The following PLPPR1 variants were observed in gnomAD, a reference collection of about 807,000 sequenced individuals.
The protein encoded by PLPPR1 is phospholipid phosphatase related 1, also known as phospholipid phosphatase-related protein type 1.
In PLPPR1, 10 loss-of-function variants were observed where a neutral mutation model predicts 33.1. The observed-to-expected ratio is 0.30, with a 90% CI of 0.19 to 0.51. The LOEUF (loss-of-function observed/expected upper bound fraction) is 0.51. PLPPR1 is among the 20% of genes least tolerant of loss of function. The pLI is 0.97. For synonymous variants in PLPPR1, 151 were observed against 151.0 expected, an observed-to-expected ratio of 1.00 and a Z score of 0.00; for missense variants, 304 against 408.1, an observed-to-expected ratio of 0.74 and a Z score of 2.20.
At position 101,033,197 on chromosome 9, in the gene PLPPR1, C is replaced by G. The variant is rs77307560; in HGVS notation, c.-46+4095C>G. Among the ~76,000 whole-genome samples the G allele has an allele frequency of 5.2e-3, 795 of 152,122 alleles. 1 individual carries two copies. The highest frequency in any genetic ancestry group is 8.1e-3 in the Non-Finnish European group (553 of 68,016). Reference sequence around the variant, plus strand: ...AATCTGAAAATGCCATTAAGAGATGCCAGAATGGGGAAAAAACATAGTCAG... The same window carrying G: ...AATCTGAAAATGCCATTAAGAGATGGCAGAATGGGGAAAAAACATAGTCAG... On this transcript the variant is annotated intron_variant, in intron 1 of 7. Transcript: ENST00000374874.
intron 2 of PLPPR1, among the ~76,000 whole-genome samples, chr9:101,209,807 G>GAGA (rs1564176274): frequency 6.6e-6 from 1 of 152,164 alleles, no homozygotes; most frequent in Non-Finnish European, 1.5e-5. Context: ...ATTTTTTAGC[G>GAGA]AGAAGTTTTA....
At chr9:101,109,363 C>T (rs1362065578) in intron 1 of PLPPR1, among the ~76,000 whole-genome samples, 1 of 152,002 alleles carries the variant, frequency 6.6e-6, no homozygotes, top group East Asian at 1.9e-4. Flanking sequence ...ACCATCATTT[C>T]AATAGAAAAC....
intron 1 of PLPPR1, among the ~76,000 whole-genome samples, chr9:101,099,083 A>AGGCCGGGCGCGGTGGCTCACGCCTGT (rs1564144178): frequency 1.3e-5 from 2 of 150,452 alleles, no homozygotes; most frequent in African/African-American, 4.9e-5. Context: ...AAATAAGTCT[A>AGGCCGGGCGCGGTGGCTCACGCCTGT]ATGGATGTGG....
intron 2 of PLPPR1, among the ~76,000 whole-genome samples, chr9:101,202,542 G>A (rs1281816810): frequency 6.6e-6 from 1 of 152,146 alleles, no homozygotes; most frequent in Non-Finnish European, 1.5e-5. Flanking sequence ...TCTTAGACTG[G>A]ATTCCTCCAG....
In PLPPR1 at chr9:101,240,106, G is replaced by T. The variant is rs75151789; in HGVS notation, c.64-29774G>T. On this transcript the variant is annotated intron_variant, in intron 2 of 7. Coordinates refer to ENST00000374874, the MANE Select transcript of PLPPR1 (RefSeq NM_207299.2). ...AATAGGGGTATAGTTTTATTCTTCC[G>T]CCTATGGAGATCCAGTTTTTTTCTG... Among the ~76,000 whole-genome samples the T allele has an allele frequency of 6.2e-3, 938 of 151,968 alleles. 6 individuals are homozygous for T. Among genetic ancestry groups the T allele is most frequent in the Middle Eastern group, 0.014 (4 of 294 alleles).
At chr9:101,270,599 A>G (rs969287767) in intron 3 of PLPPR1, among the ~76,000 whole-genome samples, 7 of 152,116 alleles carry the variant, frequency 4.6e-5, no homozygotes, top group African/African-American at 1.7e-4. Context: ...ACATTACATC[A>G]CATTAAATTA....
intron 1 of PLPPR1, among the ~76,000 whole-genome samples, chr9:101,102,109 T>C (rs944364189): frequency 1.4e-5 from 2 of 145,506 alleles, no homozygotes; most frequent in African/African-American, 5.2e-5. Flanking sequence ...TTTTTTTTTT[T>C]TTTTTGTGGT....
chr9:101,074,515 G>A (rs1278988334), intron 1 of PLPPR1, among the ~76,000 whole-genome samples: 1 of 152,124 alleles, frequency 6.6e-6, no homozygotes, highest in Non-Finnish European at 1.5e-5. Flanking sequence ...TCAAGGCTCT[G>A]TCCATTCTTA....
intron 1 of PLPPR1, among the ~76,000 whole-genome samples, chr9:101,143,489 G>A (rs1025056589): frequency 6.6e-6 from 1 of 152,082 alleles, no homozygotes; most frequent in African/African-American, 2.4e-5. Flanking sequence ...GAGTGAACAG[G>A]CAACCTACAG....
chr9:101,203,667 G>C (rs1189325473), intron 2 of PLPPR1, among the ~76,000 whole-genome samples: 1 of 115,122 alleles, frequency 8.7e-6, no homozygotes, highest in African/African-American at 3.1e-5. Flanking sequence ...TGTGTGATGT[G>C]TATATATATG....
At chr9:101,135,749 T>TA (rs1831370509) in intron 1 of PLPPR1, among the ~76,000 whole-genome samples, 1 of 152,190 alleles carries the variant, frequency 6.6e-6, no homozygotes, top group Non-Finnish European at 1.5e-5. Context: ...CCTTTCTTGA[T>TA]AAAAGCTGGA....
At chr9:101,174,797 G>C (rs1825995016) in intron 1 of PLPPR1, among the ~76,000 whole-genome samples, 1 of 152,162 alleles carries the variant, frequency 6.6e-6, no homozygotes, top group African/African-American at 2.4e-5. Flanking sequence ...ATATTCCAAT[G>C]AAGTCTGATT....
At chr9:101,085,820 T>C (rs1830668434) in intron 1 of PLPPR1, among the ~76,000 whole-genome samples, 1 of 152,040 alleles carries the variant, frequency 6.6e-6, no homozygotes, top group Non-Finnish European at 1.5e-5. Context: ...CAGAACTTAC[T>C]CTGGCTTCTT....
At chr9:101,197,324 C>T (rs1204104470) in intron 2 of PLPPR1, among the ~76,000 whole-genome samples, 1 of 152,138 alleles carries the variant, frequency 6.6e-6, no homozygotes, top group Non-Finnish European at 1.5e-5. Flanking sequence ...GGGAAGAAGC[C>T]CTGCTCCCAA....
chr9:101,281,968 T>TTTGCTGCTG (rs1828311637), intron 3 of PLPPR1, among the ~76,000 whole-genome samples: 1 of 152,172 alleles, frequency 6.6e-6, no homozygotes, highest in Non-Finnish European at 1.5e-5. Context: ...AGCTGACAGC[T>TTTGCTGCTG]TTGCTGCTGA....
At chr9:101,243,377 T>C (rs1255464355) in intron 2 of PLPPR1, among the ~76,000 whole-genome samples, 2 of 151,996 alleles carry the variant, frequency 1.3e-5, no homozygotes, top group Non-Finnish European at 2.9e-5. Flanking sequence ...AAGAGACTTG[T>C]GCTGGAAAGA....
At chr9:101,290,950 G>A (rs994903827) in intron 4 of PLPPR1, among the ~76,000 whole-genome samples, 3 of 152,218 alleles carry the variant, frequency 2.0e-5, no homozygotes, top group East Asian at 1.9e-4. Context: ...AGTGGGTGCA[G>A]CGCACCAAGC....
chr9:101,159,063 C>T (rs924930389), intron 1 of PLPPR1, among the ~76,000 whole-genome samples: 3 of 152,186 alleles, frequency 2.0e-5, no homozygotes, highest in Admixed American at 2.0e-4. Flanking sequence ...TAAAAACCTA[C>T]CCCCATCTTA....
chr9:101,137,067 G>A (rs998785060), intron 1 of PLPPR1, among the ~76,000 whole-genome samples: 6 of 152,102 alleles, frequency 3.9e-5, no homozygotes, highest in African/African-American at 7.2e-5. Flanking sequence ...GTTATTACAC[G>A]TTGTATGCTT....
Sources: gnomAD v4.1 joint callset for allele counts (sites outside exome capture counted in the v4.1 genomes callset) on GRCh38, gnomAD v4.1.1 for gene constraint, MANE v1.5 for transcripts, NCBI Gene and HGNC (gene_info 2026-07-23, HGNC 2026-07-21) for gene names.